Variants in PRKD1 observed in about 807,000 individuals in gnomAD.
PRKD1 encodes serine/threonine-protein kinase D1.
A neutral mutation model predicts 95.9 loss-of-function variants in PRKD1; 63 were observed. The ratio of observed to expected loss-of-function variants is 0.66; its 90% CI spans 0.54 to 0.81. The LOEUF is 0.81. PRKD1 is among the 30% of genes least tolerant of loss of function. The pLI, the probability that PRKD1 is intolerant of heterozygous loss-of-function variation, is 0.00. For synonymous variants in PRKD1, 425 were observed against 423.1 expected, an observed-to-expected ratio of 1.00 and a Z score of -0.05; for missense variants, 1,048 against 1,165.3, an observed-to-expected ratio of 0.90 and a Z score of 1.47.
intron 1 of PRKD1, among the ~76,000 whole-genome samples, chr14:29,815,958 A>G (rs919468373): frequency 4.6e-4 from 70 of 152,260 alleles, no homozygotes; most frequent in East Asian, 3.9e-4. Context: ...GGTGGCTCAC[A>G]CCTGTAATCC....
chr14:29,670,843 T>C (rs928438708), intron 2 of PRKD1, among the ~76,000 whole-genome samples: 5 of 152,350 alleles, frequency 3.3e-5, no homozygotes, highest in African/African-American at 1.2e-4. Flanking sequence ...TTCACATTTT[T>C]GTTATACCTG....
Position 29,914,563 on chromosome 14 carries a change from A to G in PRKD1, c.264+12686T>C, listed in dbSNP as rs183762934. Among the ~76,000 whole-genome samples, 35 of 152,152 alleles carry G rather than the reference A, an allele frequency of 2.3e-4. 1 individual carries two copies. In the East Asian group the frequency reaches 6.6e-3, roughly 29 times the overall value. On this transcript the variant is annotated intron_variant, in intron 1 of 17. Transcript: ENST00000331968. The stretch of plus-strand genomic sequence containing the variant: ...AGCCTGGTCAACAGAGTAAAACCCT[A>G]TCTCTACAAAAAATACAAAAATTAG...
intron 1 of PRKD1, among the ~76,000 whole-genome samples, chr14:29,825,297 G>C (rs1479196942): frequency 6.6e-6 from 1 of 152,120 alleles, no homozygotes; most frequent in Admixed American, 6.6e-5. Flanking sequence ...TGCTCAGAAA[G>C]GGGTATTATG....
chr14:29,837,117 A>G (rs1891639292), intron 1 of PRKD1, among the ~76,000 whole-genome samples: 1 of 152,098 alleles, frequency 6.6e-6, no homozygotes, highest in Non-Finnish European at 1.5e-5. Flanking sequence ...GGGGTCATGC[A>G]CCTCCACACC....
intron 1 of PRKD1, among the ~76,000 whole-genome samples, chr14:29,906,006 C>T (rs987873809): frequency 1.4e-4 from 21 of 151,948 alleles, no homozygotes; most frequent in African/African-American, 4.4e-4. Context: ...AACAGTAAGG[C>T]AGAAAATTTA....
chr14:29,765,840 G>A (rs924924372), intron 1 of PRKD1, among the ~76,000 whole-genome samples: 2 of 152,090 alleles, frequency 1.3e-5, no homozygotes, highest in African/African-American at 4.8e-5. Context: ...ATTTAGGTAT[G>A]TACATATAGG....
chr14:29,885,742 G>A (rs371115197), intron 1 of PRKD1, among the ~76,000 whole-genome samples: 1 of 145,940 alleles, frequency 6.9e-6, no homozygotes, highest in African/African-American at 2.5e-5. Context: ...TGAGGTGGGC[G>A]GATCACTTCA....
At chr14:29,672,882 C>T (rs1882945125) in intron 2 of PRKD1, among the ~76,000 whole-genome samples, 1 of 151,366 alleles carries the variant, frequency 6.6e-6, no homozygotes, top group Non-Finnish European at 1.5e-5. Flanking sequence ...TTTACTCCTT[C>T]TCAGAAAAAA....
intron 1 of PRKD1, among the ~76,000 whole-genome samples, chr14:29,802,953 C>A (rs1017649586): frequency 1.3e-5 from 2 of 152,194 alleles, no homozygotes; most frequent in African/African-American, 2.4e-5. Context: ...GGAACTATAG[C>A]AACTCTGGTT....
chr14:29,750,888 T>A (rs1887450884), intron 1 of PRKD1, among the ~76,000 whole-genome samples: 1 of 152,162 alleles, frequency 6.6e-6, no homozygotes, highest in Admixed American at 6.6e-5. Flanking sequence ...GCAGGTAATT[T>A]AAAAATATGT....
intron 4 of PRKD1, among the ~76,000 whole-genome samples, chr14:29,645,501 G>A (rs887690202): frequency 6.6e-6 from 1 of 152,124 alleles, no homozygotes; most frequent in East Asian, 1.9e-4. Flanking sequence ...CAGAAATTTC[G>A]AGATCTAGCA....
chr14:29,902,605 G>C (rs45550337), intron 1 of PRKD1, among the ~76,000 whole-genome samples: 1 of 152,162 alleles, frequency 6.6e-6, no homozygotes, highest in Non-Finnish European at 1.5e-5. Flanking sequence ...TATTCTGAAA[G>C]TGCTCAGTAT....
intron 1 of PRKD1, among the ~76,000 whole-genome samples, chr14:29,883,074 C>G (rs1488335543): frequency 6.6e-6 from 1 of 152,136 alleles, no homozygotes; most frequent in African/African-American, 2.4e-5. Flanking sequence ...CCTCAGGGAC[C>G]TTTTACTCAT....
chr14:29,769,836 T>C (rs1011879062), intron 1 of PRKD1, among the ~76,000 whole-genome samples: 3 of 152,210 alleles, frequency 2.0e-5, no homozygotes, highest in Non-Finnish European at 2.9e-5. Context: ...ACTTATACAA[T>C]ATGCAATAAA....
At chr14:29,872,721 T>G (rs1045445855) in intron 1 of PRKD1, among the ~76,000 whole-genome samples, 14 of 152,016 alleles carry the variant, frequency 9.2e-5, no homozygotes, top group African/African-American at 3.4e-4. Flanking sequence ...TCTTGCCCTT[T>G]AGAATATTTC....
In PRKD1 at chr14:29,840,995, T is replaced by A. The variant is rs187720421; in HGVS notation, c.264+86254A>T. 2.0e-4 allele frequency among the ~76,000 whole-genome samples: 30 copies of A among 152,336 alleles called. 1 individual carries two copies. Among genetic ancestry groups the A allele is most frequent in the Admixed American group, 1.2e-3 (18 of 15,302 alleles). The stretch of plus-strand genomic sequence containing the variant: ...ATCAGCATGACCTGGATGTGAGACA[T>A]GGAGTCAAAGAGGATCATTTTGGAG... On this transcript the variant is annotated intron_variant, in intron 1 of 17. Coordinates refer to ENST00000331968, the MANE Select transcript of PRKD1 (RefSeq NM_002742.3).
intron 2 of PRKD1, among the ~76,000 whole-genome samples, chr14:29,714,992 G>A (rs923597196): frequency 2.0e-5 from 3 of 152,080 alleles, no homozygotes; most frequent in African/African-American, 7.2e-5. Flanking sequence ...ATAACATTAG[G>A]AGAAATACCT....
At chr14:29,806,347 C>A (rs1315291424) in intron 1 of PRKD1, among the ~76,000 whole-genome samples, 1 of 151,934 alleles carries the variant, frequency 6.6e-6, no homozygotes, top group Non-Finnish European at 1.5e-5. Context: ...TGAGATTGGG[C>A]AATAGGCTTG....
chr14:29,745,564 G>A (rs918717525), intron 1 of PRKD1, among the ~76,000 whole-genome samples: 3 of 152,104 alleles, frequency 2.0e-5, no homozygotes, highest in African/African-American at 4.8e-5. Context: ...GAACTCCTGG[G>A]CTCAAGCAAT....
Sources: allele counts gnomAD v4.1 joint callset (sites outside exome capture counted in the v4.1 genomes callset), GRCh38; gene constraint gnomAD v4.1.1; transcripts MANE v1.5; gene names NCBI Gene and HGNC (gene_info 2026-07-23, HGNC 2026-07-21).